FMNL2: variants seen among roughly 807,000 people sequenced by gnomAD.
FMNL2 encodes formin-like protein 2.
FMNL2 carries 51 observed loss-of-function variants against 130.2 expected under a neutral mutation model. The ratio of observed to expected loss-of-function variants is 0.39; its 90% confidence interval spans 0.31 to 0.49. FMNL2 has a LOEUF of 0.49. FMNL2 is among the 20% of genes least tolerant of loss of function. FMNL2 has a pLI of 0.85. For synonymous variants in FMNL2, 465 were observed against 467.1 expected, an observed-to-expected ratio of 1.00 and a Z score of 0.06; for missense variants, 977 against 1,316.2, an observed-to-expected ratio of 0.74 and a Z score of 3.99.
At chr2:152,367,077 GT>G (rs796813762) in intron 1 of FMNL2, among the ~76,000 whole-genome samples, 23 of 145,216 alleles carry the variant, frequency 1.6e-4, no homozygotes, top group African/African-American at 2.3e-4. Context: ...GTGTGTGTTT[GT>G]TTTTTTTTTT....
intron 1 of FMNL2, among the ~76,000 whole-genome samples, chr2:152,398,557 G>A (rs571826420): frequency 3.3e-5 from 5 of 152,256 alleles, no homozygotes; most frequent in Admixed American, 1.3e-4. Context: ...GATTTTTTGA[G>A]CAATTAATAT....
chr2:152,544,987 T>A (rs577957327), intron 3 of FMNL2, among the ~76,000 whole-genome samples: 1 of 152,332 alleles, frequency 6.6e-6, no homozygotes, highest in South Asian at 2.1e-4. Context: ...TGGGCCTTCA[T>A]TCCCGACATT....
At chr2:152,520,410 C>A (rs113037609) in intron 1 of FMNL2, among the ~76,000 whole-genome samples, 1 of 151,990 alleles carries the variant, frequency 6.6e-6, no homozygotes, top group Non-Finnish European at 1.5e-5. Context: ...GCCTGGCCAA[C>A]ATGGTGAAAC....
In FMNL2 at chr2:152,335,529, C is replaced by G. The variant is rs1028041670; in HGVS notation, c.-75C>G. 8.0e-6 allele frequency: 10 copies of G among 1,249,570 alleles called. No homozygotes were observed. The highest frequency in any genetic ancestry group is 1.1e-5 in the Non-Finnish European group (10 of 915,240). The allele number at this position is 1,249,570 out of a possible 1,614,324, so 77.4% of individuals were successfully genotyped here. A position where few individuals can be genotyped will look rare whatever the true frequency, so the allele number is the denominator to read the frequency against. On this transcript the variant is annotated 5_prime_UTR_variant, in exon 1 of 26. Coordinates refer to ENST00000288670, the MANE Select transcript of FMNL2 (RefSeq NM_052905.4). ...GTCGCGCCTGCGGGCGGCAGCCGAC[C>G]GCCGGGAGCTGTTCTGATTTCCGAC...
At chr2:152,631,337 G>A (rs1682146513) in intron 20 of FMNL2, among the ~76,000 whole-genome samples, 1 of 142,160 alleles carries the variant, frequency 7.0e-6, no homozygotes, top group Non-Finnish European at 1.5e-5. Flanking sequence ...AGTTTGTAGT[G>A]AGCCAAGATT....
chr2:152,585,743 C>T (rs1697034168), intron 9 of FMNL2, among the ~76,000 whole-genome samples: 1 of 152,184 alleles, frequency 6.6e-6, no homozygotes, highest in Non-Finnish European at 1.5e-5. Context: ...GGACCTCAAC[C>T]AGTCCCCACT....
chr2:152,630,574 G>T (rs1191322851), intron 20 of FMNL2, among the ~76,000 whole-genome samples: 2 of 152,190 alleles, frequency 1.3e-5, no homozygotes. Context: ...GGCCTAACGT[G>T]ATTGTCACAT....
At chr2:152,342,849 C>T (rs1681889227) in intron 1 of FMNL2, among the ~76,000 whole-genome samples, 1 of 152,154 alleles carries the variant, frequency 6.6e-6, no homozygotes. Flanking sequence ...TGAAATTGGG[C>T]AACATTCAGC....
intron 1 of FMNL2, among the ~76,000 whole-genome samples, chr2:152,348,163 G>C (rs1369926008): frequency 6.6e-6 from 1 of 152,142 alleles, no homozygotes; most frequent in Non-Finnish European, 1.5e-5. Flanking sequence ...TCCTTACTTT[G>C]ATCGCTTTGT....
intron 25 of FMNL2, among the ~76,000 whole-genome samples, chr2:152,643,097 T>G (rs1263526795): frequency 1.3e-5 from 2 of 152,192 alleles, no homozygotes; most frequent in Non-Finnish European, 1.5e-5. Context: ...ACACCTGGCG[T>G]TATAAAATGA....
chr2:152,552,975 A>G (rs1695020510), intron 4 of FMNL2, among the ~76,000 whole-genome samples: 1 of 152,232 alleles, frequency 6.6e-6, no homozygotes, highest in Non-Finnish European at 1.5e-5. Context: ...AGGTCACAGA[A>G]GTTCTGAAAG....
chr2:152,626,625 C>T lies in FMNL2; in HGVS notation c.2063C>T (p.Ser688Leu). ...SSKQKIPQKG[S>L]NKVTLLEANR... ...AAACAGAAGATACCACAGAAGGGAT[C>T]AAACAAAGTGACATTACTAGAAGCA... Residue 688 changes from serine to leucine, a missense_variant, in exon 17 of 26, where the codon TCA becomes TTA. Physicochemically the swap from Ser to Leu is moderately radical, Grantham distance 145. Coordinates refer to ENST00000288670, the MANE Select transcript of FMNL2 (RefSeq NM_052905.4). 5.0e-6 allele frequency: 8 copies of T among 1,612,948 alleles called. No homozygotes were observed. The highest frequency in any genetic ancestry group is 6.8e-6 in the Non-Finnish European group (8 of 1,179,492).
At chr2:152,449,295 A>G (rs948864854) in intron 1 of FMNL2, among the ~76,000 whole-genome samples, 1 of 152,154 alleles carries the variant, frequency 6.6e-6, no homozygotes. Context: ...ATATGCAGGG[A>G]ACAGATTCTG....
chr2:152,380,196 A>G (rs887594935), intron 1 of FMNL2, among the ~76,000 whole-genome samples: 2 of 152,206 alleles, frequency 1.3e-5, no homozygotes, highest in Non-Finnish European at 2.9e-5. Context: ...TGCATCTAGC[A>G]TGGTACCTGG....
intron 1 of FMNL2, among the ~76,000 whole-genome samples, chr2:152,375,243 A>G (rs1684088756): frequency 6.6e-6 from 1 of 152,168 alleles, no homozygotes. Context: ...GGAGCACTGA[A>G]CAGGTGTTGG....
intron 4 of FMNL2, 69 bp downstream of exon 4, chr2:152,549,166 C>A: frequency 1.8e-6 from 2 of 1,135,968 alleles, no homozygotes; most frequent in East Asian, 2.8e-5. Context: ...TGAATCATAC[C>A]CAAAGAATTG....
intron 21 of FMNL2, 100 bp from the exon 22 acceptor site, chr2:152,636,327 T>G: frequency 7.7e-7 from 1 of 1,302,152 alleles, no homozygotes; most frequent in East Asian, 2.5e-5. Context: ...GGCCCTTGAG[T>G]AAGCCTAAGA....
At chr2:152,613,623 A>G (rs1031604295) in intron 11 of FMNL2, among the ~76,000 whole-genome samples, 1 of 152,218 alleles carries the variant, frequency 6.6e-6, no homozygotes, top group Non-Finnish European at 1.5e-5. Context: ...ATTTTTTGTC[A>G]AAACTCTGTA....
chr2:152,563,661 C>T (rs1695655263), intron 6 of FMNL2, among the ~76,000 whole-genome samples: 3 of 152,092 alleles, frequency 2.0e-5, no homozygotes, highest in Admixed American at 1.3e-4. Flanking sequence ...CTTCTCCACA[C>T]GCTGCCTTCA....
Sources: allele counts gnomAD v4.1 joint callset (sites outside exome capture counted in the v4.1 genomes callset), GRCh38; gene constraint gnomAD v4.1.1; transcripts MANE v1.5; gene names NCBI Gene and HGNC (gene_info 2026-07-23, HGNC 2026-07-21).